The following HIBADH variants were observed in gnomAD, a reference collection of about 807,000 sequenced individuals.
HIBADH encodes 3-hydroxyisobutyrate dehydrogenase, mitochondrial.
HIBADH carries 25 observed loss-of-function variants against 36.1 expected under a neutral mutation model. That is an observed-to-expected ratio of 0.69 (90% CI 0.50 to 0.97). HIBADH has a LOEUF of 0.97. Among genes scored for constraint, HIBADH ranks in the 50% least tolerant of loss-of-function variants. The pLI is 0.00. For missense variants in HIBADH, 421 were observed against 418.0 expected, an observed-to-expected ratio of 1.01 and a Z score of -0.06; for synonymous variants, 160 against 149.5, an observed-to-expected ratio of 1.07 and a Z score of -0.51.
chr7:27,640,083 T>A (rs759286001), intron 2 of HIBADH, among the ~76,000 whole-genome samples: 23 of 152,230 alleles, frequency 1.5e-4, no homozygotes, highest in Non-Finnish European at 2.6e-4. Flanking sequence ...GGCAATTGCT[T>A]AAAGGCATTT....
chr7:27,541,366 A>G (rs1352301182), intron 5 of HIBADH, among the ~76,000 whole-genome samples: 1 of 151,944 alleles, frequency 6.6e-6, no homozygotes, highest in Admixed American at 6.6e-5. Context: ...TAGATCCTTC[A>G]CTTTCTTTTT....
intron 7 of HIBADH, among the ~76,000 whole-genome samples, chr7:27,529,675 A>G (rs1163947230): frequency 6.6e-6 from 1 of 152,234 alleles, no homozygotes; most frequent in Non-Finnish European, 1.5e-5. Context: ...GAAATGACAG[A>G]AAGGATTTAG....
At chr7:27,593,627 CACT>C (rs972480165) in intron 4 of HIBADH, among the ~76,000 whole-genome samples, 2 of 152,230 alleles carry the variant, frequency 1.3e-5, no homozygotes, top group East Asian at 3.9e-4. Context: ...CACTTGTTAT[CACT>C]ACTATTATTC....
At chr7:27,541,171 C>T (rs1435373612) in intron 5 of HIBADH, among the ~76,000 whole-genome samples, 1 of 148,132 alleles carries the variant, frequency 6.8e-6, no homozygotes, top group Non-Finnish European at 1.5e-5. Context: ...GCACTTCTGT[C>T]TGCATTAAAA....
chr7:27,546,277 T>G (rs189810950), intron 4 of HIBADH, among the ~76,000 whole-genome samples: 36 of 152,018 alleles, frequency 2.4e-4, no homozygotes, highest in South Asian at 6.2e-4. Flanking sequence ...TATTTGTTTT[T>G]GTTGTTGTTG....
At chr7:27,616,458 GTTTT>G (rs1033612120) in intron 4 of HIBADH, among the ~76,000 whole-genome samples, 1 of 151,720 alleles carries the variant, frequency 6.6e-6, no homozygotes. Context: ...TGTCTTCGTT[GTTTT>G]TTTTGTTTGT....
chr7:27,620,261 A>G (rs1286196549), intron 4 of HIBADH, among the ~76,000 whole-genome samples: 3 of 152,142 alleles, frequency 2.0e-5, no homozygotes, highest in African/African-American at 7.2e-5. Flanking sequence ...TCAAGGGTGC[A>G]GTGAACTTTG....
chr7:27,565,751 A>G (rs1784538891), intron 4 of HIBADH, among the ~76,000 whole-genome samples: 1 of 152,190 alleles, frequency 6.6e-6, no homozygotes, highest in African/African-American at 2.4e-5. Context: ...CTTTCACTAC[A>G]AAGTATAACG....
chr7:27,626,240 C>A (rs1023900530), intron 4 of HIBADH, among the ~76,000 whole-genome samples: 1 of 151,360 alleles, frequency 6.6e-6, no homozygotes, highest in Non-Finnish European at 1.5e-5. Flanking sequence ...AGTATATACA[C>A]CTATTATATA....
chr7:27,577,164 C>T (rs1338166511), intron 4 of HIBADH, among the ~76,000 whole-genome samples: 5 of 143,924 alleles, frequency 3.5e-5, no homozygotes, highest in Non-Finnish European at 7.6e-5. Context: ...CATCATTTCT[C>T]TCTTTTTTTT....
At chr7:27,562,974 T>C (rs950465144) in intron 4 of HIBADH, among the ~76,000 whole-genome samples, 4 of 152,200 alleles carry the variant, frequency 2.6e-5, no homozygotes, top group African/African-American at 7.2e-5. Flanking sequence ...CTACAAGTTT[T>C]AGCAAGTATA....
intron 4 of HIBADH, among the ~76,000 whole-genome samples, chr7:27,551,918 A>G (rs1319838977): frequency 6.6e-6 from 1 of 152,120 alleles, no homozygotes; most frequent in Non-Finnish European, 1.5e-5. Flanking sequence ...TGTTCTAATC[A>G]TTTTCTACAG....
At position 27,550,355 on chromosome 7, in the gene HIBADH, A is replaced by G. The variant is rs73287957; in HGVS notation, c.485-7255T>C. On this transcript the variant is annotated intron_variant, in intron 4 of 7. Transcript: ENST00000265395. ...CTTCTGTCTTCAGTTGTAGGAAGCA[A>G]TGAATTTTCTCTTCTCTCCTTAAAT... Among the ~76,000 whole-genome samples, 379 of 152,296 alleles carry G rather than the reference A, an allele frequency of 2.5e-3. 5 individuals carry two copies. The highest frequency in any genetic ancestry group is 8.9e-3 in the African/African-American group (368 of 41,554).
At chr7:27,541,684 G>C in intron 5 of HIBADH, 1 of 393,536 alleles carries the variant, frequency 2.5e-6, no homozygotes, top group South Asian at 1.9e-5. Flanking sequence ...CAGCTTCTTA[G>C]GAGCACTTCC....
intron 4 of HIBADH, among the ~76,000 whole-genome samples, chr7:27,595,535 A>AG (rs1785018258): frequency 4.9e-5 from 3 of 61,398 alleles, no homozygotes; most frequent in Non-Finnish European, 8.7e-5. Flanking sequence ...TCTGTCTCAA[A>AG]ATAAATAAAT....
intron 4 of HIBADH, among the ~76,000 whole-genome samples, chr7:27,575,209 G>A (rs1438676093): frequency 6.6e-6 from 1 of 152,208 alleles, no homozygotes; most frequent in Non-Finnish European, 1.5e-5. Context: ...GACTTACAGT[G>A]TAGCTGAGAA....
intron 6 of HIBADH, among the ~76,000 whole-genome samples, chr7:27,535,524 T>A (rs954902951): frequency 2.0e-5 from 3 of 151,826 alleles, no homozygotes; most frequent in Non-Finnish European, 4.4e-5. Context: ...CCACCAAAAA[T>A]TTTTTTTTAA....
At chr7:27,543,579 A>AT (rs1446612772) in intron 4 of HIBADH, among the ~76,000 whole-genome samples, 1 of 152,208 alleles carries the variant, frequency 6.6e-6, no homozygotes, top group Non-Finnish European at 1.5e-5. Flanking sequence ...TATAAGTGAG[A>AT]TCTACAAAGA....
chr7:27,628,920 T>C (rs1426575387), intron 4 of HIBADH, among the ~76,000 whole-genome samples: 1 of 152,118 alleles, frequency 6.6e-6, no homozygotes, highest in Non-Finnish European at 1.5e-5. Flanking sequence ...GAAAAGTTCG[T>C]ATAAAATTTA....
Sources: allele counts gnomAD v4.1 joint callset (sites outside exome capture counted in the v4.1 genomes callset), GRCh38; gene constraint gnomAD v4.1.1; transcripts MANE v1.5; gene names NCBI Gene and HGNC (gene_info 2026-07-23, HGNC 2026-07-21).